STRN3: variants seen among roughly 807,000 people sequenced by gnomAD.
STRN3 encodes the protein striatin-3.
A neutral mutation model predicts 95.6 loss-of-function variants in STRN3; 29 were observed. That is an observed-to-expected ratio of 0.30 (90% confidence interval 0.23 to 0.41). STRN3 has a LOEUF of 0.41. Among genes scored for constraint, STRN3 ranks in the 10% least tolerant of loss-of-function variants. The pLI is 1.00. For synonymous variants in STRN3, 331 were observed against 357.6 expected (o/e 0.93, Z 0.84); for missense variants, 890 against 972.1 (o/e 0.92, Z 1.12).
chr14:30,928,434 A>G (rs977149658), intron 8 of STRN3, among the ~76,000 whole-genome samples: 3 of 152,340 alleles, frequency 2.0e-5, no homozygotes, highest in Admixed American at 6.5e-5. Context: ...AGTCCCAAAA[A>G]TAAGTTTCAA....
chr14:30,895,213 G>A lies in STRN3; in HGVS notation c.*198C>T. 1.7e-6 allele frequency: 1 copy of A among 583,510 alleles called. No homozygotes were observed. Among genetic ancestry groups the A allele is most frequent in the Non-Finnish European group, 2.8e-6 (1 of 351,424 alleles). 36.1% of individuals were successfully genotyped at this position (583,510 alleles called of 1,614,324 possible). A position where few individuals can be genotyped will look rare whatever the true frequency, so the allele number is the denominator to read the frequency against. ...CAAATACTGGAGTCCTTTTTTCTTTGTCCCACAAAATACAGTAATTACAGT... is the reference window on the plus strand; with the variant it reads ...CAAATACTGGAGTCCTTTTTTCTTTATCCCACAAAATACAGTAATTACAGT... On this transcript the variant is annotated 3_prime_UTR_variant, in exon 18 of 18. Transcript: ENST00000357479.
intron 1 of STRN3, chr14:31,018,669 A>G (rs955506496): frequency 1.1e-5 from 5 of 468,052 alleles, no homozygotes; most frequent in Admixed American, 9.8e-5. Context: ...CAGTTTCAGA[A>G]AACAGTTGGT....
At chr14:30,904,802 AAC>A (rs369964149) in intron 15 of STRN3, among the ~76,000 whole-genome samples, 312 of 152,206 alleles carry the variant, frequency 2.0e-3, no homozygotes, top group African/African-American at 7.1e-3. Context: ...AAAAGAAAAA[AAC>A]AGTGAACCTG....
intron 1 of STRN3, among the ~76,000 whole-genome samples, chr14:31,007,403 T>C (rs559081959): frequency 2.0e-5 from 3 of 152,298 alleles, no homozygotes; most frequent in African/African-American, 7.2e-5. Flanking sequence ...TTTGGAAATA[T>C]AGCAATACAT....
intron 7 of STRN3, among the ~76,000 whole-genome samples, chr14:30,930,215 T>C (rs1008847200): frequency 2.0e-5 from 3 of 152,056 alleles, no homozygotes; most frequent in Non-Finnish European, 4.4e-5. Flanking sequence ...AATTAAGTCT[T>C]TGAGAATTAT....
chr14:30,921,106 A>T (rs1465924008), intron 8 of STRN3, among the ~76,000 whole-genome samples: 1 of 150,680 alleles, frequency 6.6e-6, no homozygotes, highest in Non-Finnish European at 1.5e-5. Flanking sequence ...ACACACACAC[A>T]CTTCCTTATC....
At chr14:30,968,888 T>C (rs1880683394) in intron 1 of STRN3, among the ~76,000 whole-genome samples, 1 of 152,152 alleles carries the variant, frequency 6.6e-6, no homozygotes, top group Admixed American at 6.6e-5. Context: ...AATATACTTC[T>C]GGTAAAAAGA....
In STRN3 at chr14:30,907,016, A is replaced by G; in HGVS notation, c.1749T>C (p.Val583=). The G allele has an allele frequency of 6.2e-7, 1 of 1,613,590 alleles. No homozygotes were observed. Among genetic ancestry groups the G allele is most frequent in the Non-Finnish European group, 8.5e-7 (1 of 1,179,800 alleles). The part of the protein sequence containing the change: ...YEPNVLAGTL[V]GHTDAVWGLA... ...GACCCCAAACTGCATCTGTATGACCAACTAAAGTGCCAGCTAGAACATTTG... is the reference window on the plus strand; with the variant it reads ...GACCCCAAACTGCATCTGTATGACCGACTAAAGTGCCAGCTAGAACATTTG... Residue 583 remains valine (V), a synonymous_variant, in exon 14 of 18, where the codon GTT becomes GTC. Transcript: ENST00000357479.
At chr14:31,012,786 T>A (rs1047932842) in intron 1 of STRN3, among the ~76,000 whole-genome samples, 3 of 150,538 alleles carry the variant, frequency 2.0e-5, no homozygotes, top group African/African-American at 7.3e-5. Context: ...CCCAGTGACT[T>A]GGGAGGCTGA....
chr14:31,017,807 T>C (rs557762340), intron 1 of STRN3, among the ~76,000 whole-genome samples: 3 of 152,246 alleles, frequency 2.0e-5, no homozygotes, highest in Middle Eastern at 3.4e-3. Context: ...CTGCGCACGG[T>C]GGCTCACACC....
chr14:30,909,192 C>CT (rs1443697886), intron 13 of STRN3, among the ~76,000 whole-genome samples: 1 of 152,158 alleles, frequency 6.6e-6, no homozygotes, highest in Non-Finnish European at 1.5e-5. Flanking sequence ...GAACTGTAGA[C>CT]TTTAATTTTT....
chr14:31,009,224 G>A (rs1344279456), intron 1 of STRN3, among the ~76,000 whole-genome samples: 1 of 151,288 alleles, frequency 6.6e-6, no homozygotes, highest in East Asian at 1.9e-4. Flanking sequence ...AGACATGAAA[G>A]GATATGAGAT....
chr14:30,964,543 C>A, intron 1 of STRN3: 1 of 164,476 alleles, frequency 6.1e-6, no homozygotes, highest in Non-Finnish European at 1.3e-5. Context: ...ATGTGGCAGC[C>A]CAAGGCTTTG....
intron 8 of STRN3, among the ~76,000 whole-genome samples, chr14:30,928,990 C>T (rs1878337482): frequency 6.6e-6 from 1 of 151,902 alleles, no homozygotes; most frequent in Non-Finnish European, 1.5e-5. Context: ...TTTCCTTTAC[C>T]CTTCTCATAT....
intron 1 of STRN3, among the ~76,000 whole-genome samples, chr14:30,992,723 G>A (rs1403039510): frequency 1.3e-5 from 2 of 151,878 alleles, no homozygotes; most frequent in Admixed American, 1.3e-4. Context: ...ATTAAAGAGT[G>A]AGTAAACTGG....
At chr14:31,001,739 C>T (rs144576609) in intron 1 of STRN3, among the ~76,000 whole-genome samples, 4 of 152,314 alleles carry the variant, frequency 2.6e-5, no homozygotes, top group African/African-American at 9.6e-5. Flanking sequence ...ACTCAAGTCT[C>T]CATTAACAGA....
rs76859820 is a variant in STRN3 at position 30,901,103 on chromosome 14, G to T, written c.2137+1433C>A. Among the ~76,000 whole-genome samples the T allele has an allele frequency of 2.0e-3, 297 of 152,122 alleles. 11 individuals carry two copies. In the East Asian group the frequency reaches 0.055, roughly 28 times the overall value. ...CTTGCAGCAGAGAAAAACATTATCG[G>T]TTTCATAAAAATAGTTCAAAGGATT... On this transcript the variant is annotated intron_variant, in intron 16 of 17. Coordinates refer to ENST00000357479, the MANE Select transcript of STRN3 (RefSeq NM_001083893.2).
Position 30,895,681 on chromosome 14 carries a change from T to G in STRN3, c.2205A>C (p.Gly735=). The change falls in exon 17 of 18, where the codon GGA becomes GGC. Residue 735 remains glycine, a synonymous_variant. Transcript: ENST00000357479. ...ACTTACTTCCAGACATCAAATAGAT[T>G]CCATTAGGATCTACTGCTAGACTTG... The part of the protein sequence containing the change: ...AVTSLAVDPN[G]IYLMSGSHDC... 6.2e-7 allele frequency: 1 copy of G among 1,613,792 alleles called. No individual in the cohort carries two copies. The highest frequency in any genetic ancestry group is 8.5e-7 in the Non-Finnish European group (1 of 1,179,916).
chr14:30,981,049 T>G (rs1881370227), intron 1 of STRN3, among the ~76,000 whole-genome samples: 1 of 152,118 alleles, frequency 6.6e-6, no homozygotes, highest in African/African-American at 2.4e-5. Flanking sequence ...GCCTCATGCC[T>G]GTAATCCCAA....
Sources: allele counts gnomAD v4.1 joint callset (sites outside exome capture counted in the v4.1 genomes callset), GRCh38; gene constraint gnomAD v4.1.1; transcripts MANE v1.5; gene names NCBI Gene and HGNC (gene_info 2026-07-23, HGNC 2026-07-21).